Variants in ECT2L observed in about 807,000 individuals in gnomAD.
ECT2L encodes epithelial cell-transforming sequence 2 oncogene-like.
ECT2L carries 126 observed loss-of-function variants against 122.8 expected under a neutral mutation model. That is an observed-to-expected ratio of 1.03 (90% CI 0.89 to 1.19). The LOEUF is 1.19. ECT2L is among the 50% of genes most tolerant of loss of function. The pLI is 0.00. For synonymous variants in ECT2L, 385 were observed against 381.8 expected (o/e 1.01, Z -0.10); for missense variants, 1,012 against 1,064.1 (o/e 0.95, Z 0.68).
intron 11 of ECT2L, 105 bp from the exon 12 acceptor site, chr6:138,864,891 A>T: frequency 9.3e-7 from 1 of 1,071,874 alleles, no homozygotes; most frequent in Non-Finnish European, 1.3e-6. Flanking sequence ...AACGATAATA[A>T]ACTCAATACA....
At chr6:138,822,259 A>C (rs899623449) in intron 4 of ECT2L, among the ~76,000 whole-genome samples, 1 of 152,248 alleles carries the variant, frequency 6.6e-6, no homozygotes, top group Non-Finnish European at 1.5e-5. Flanking sequence ...CAGACATTAC[A>C]TGGGGAAGGA....
rs186096790 is a variant in ECT2L at position 138,884,518 on chromosome 6, A to G, written c.2029-988A>G. ...CCAGGCATGGTGGCGGGCACCTGTA[A>G]TCCTAGCTACTTGGGAGGCTGAGGC... On this transcript the variant is annotated intron_variant, in intron 16 of 21. Transcript: ENST00000541398. Among the ~76,000 whole-genome samples, 38 of 152,032 alleles carry G rather than the reference A, an allele frequency of 2.5e-4. 1 individual carries two copies. In the East Asian group the frequency reaches 7.2e-3, roughly 29 times the overall value.
intron 5 of ECT2L, among the ~76,000 whole-genome samples, chr6:138,842,355 G>A (rs975106819): frequency 6.6e-6 from 1 of 152,206 alleles, no homozygotes; most frequent in African/African-American, 2.4e-5. Flanking sequence ...CAGCTACTCA[G>A]GAGGCTGAGG....
Position 138,838,465 on chromosome 6 carries a change from T to A in ECT2L, c.293T>A (p.Leu98Ter). The change falls in exon 5 of 22, where the codon TTG becomes TAG. Residue 98 changes from leucine to a stop codon, truncating the protein, a stop_gained. Coordinates refer to ENST00000541398, the MANE Select transcript of ECT2L (RefSeq NM_001077706.3). LOFTEE classifies it high-confidence loss of function. ...YIFSFLSPKD[L>*]CAAAQVSWPW... ...TTTTCCTTTTTGAGTCCGAAAGATT[T>A]GTGTGCCGCTGCCCAAGTCAGCTGG... 1 of 1,614,014 alleles carries A rather than the reference T, an allele frequency of 6.2e-7. No homozygotes were observed. Among genetic ancestry groups the A allele is most frequent in the Non-Finnish European group, 8.5e-7 (1 of 1,179,962 alleles).
intron 20 of ECT2L, among the ~76,000 whole-genome samples, chr6:138,895,151 C>T (rs1779166556): frequency 6.6e-6 from 1 of 152,062 alleles, no homozygotes; most frequent in Non-Finnish European, 1.5e-5. Flanking sequence ...TCACACAATA[C>T]TTAGCCTGCA....
At chr6:138,851,013 A>AAAAAAAAAAAAAAAAAAAG (rs1562474231) in intron 9 of ECT2L, among the ~76,000 whole-genome samples, 2 of 148,228 alleles carry the variant, frequency 1.3e-5, no homozygotes, top group African/African-American at 5.2e-5. Context: ...AAAAAAAAAA[A>AAAAAAAAAAAAAAAAAAAG]AAAAAAAAAA....
At chr6:138,876,378 C>A (rs1311336971) in intron 13 of ECT2L, 94 bp from the exon 14 acceptor site, 2 of 773,688 alleles carry the variant, frequency 2.6e-6, no homozygotes, top group Non-Finnish European at 2.2e-6. Flanking sequence ...GGGCTGAAGG[C>A]AGAGGCTTCT....
intron 14 of ECT2L, among the ~76,000 whole-genome samples, chr6:138,878,483 G>A (rs145649169): frequency 2.6e-5 from 4 of 152,136 alleles, no homozygotes; most frequent in Non-Finnish European, 5.9e-5. Context: ...GTCTCGCTCT[G>A]TTGCCCAGGC....
chr6:138,850,864 G>C (rs1178257563), intron 9 of ECT2L, among the ~76,000 whole-genome samples: 1 of 151,778 alleles, frequency 6.6e-6, no homozygotes, highest in East Asian at 1.9e-4. Flanking sequence ...AGCTGGGTGT[G>C]GTAGTACATG....
chr6:138,876,011 C>T (rs1001464105), intron 13 of ECT2L, among the ~76,000 whole-genome samples: 5 of 151,894 alleles, frequency 3.3e-5, no homozygotes, highest in Non-Finnish European at 7.4e-5. Context: ...GCCTGCTACT[C>T]AGGAGGCTGA....
intron 4 of ECT2L, among the ~76,000 whole-genome samples, chr6:138,817,505 A>G (rs898566795): frequency 1.3e-5 from 2 of 152,206 alleles, no homozygotes; most frequent in African/African-American, 4.8e-5. Context: ...TAGAGAGGCC[A>G]TTGTTTTAGA....
At chr6:138,835,700 A>G (rs1489067279) in intron 4 of ECT2L, among the ~76,000 whole-genome samples, 1 of 152,210 alleles carries the variant, frequency 6.6e-6, no homozygotes, top group East Asian at 1.9e-4. Context: ...ACAAGGACAC[A>G]CTGCTGAAAA....
intron 11 of ECT2L, among the ~76,000 whole-genome samples, chr6:138,864,604 C>T (rs1431109731): frequency 6.6e-6 from 1 of 152,168 alleles, no homozygotes; most frequent in Non-Finnish European, 1.5e-5. Context: ...GGTTGACTTC[C>T]AATGGCCTGA....
intron 4 of ECT2L, among the ~76,000 whole-genome samples, chr6:138,825,724 T>C (rs1776424737): frequency 6.6e-6 from 1 of 152,232 alleles, no homozygotes; most frequent in South Asian, 2.1e-4. Flanking sequence ...ATTAGACCAA[T>C]TAGCCAGAAT....
intron 20 of ECT2L, among the ~76,000 whole-genome samples, chr6:138,891,877 A>C (rs904821430): frequency 6.6e-6 from 1 of 152,164 alleles, no homozygotes; most frequent in African/African-American, 2.4e-5. Context: ...TGAAATGACG[A>C]AGACTTTCTC....
intron 5 of ECT2L, among the ~76,000 whole-genome samples, chr6:138,842,733 C>G (rs771154307): frequency 6.6e-6 from 1 of 152,162 alleles, no homozygotes; most frequent in Non-Finnish European, 1.5e-5. Flanking sequence ...GCTCGTGCCA[C>G]TGCACTCCAG....
intron 8 of ECT2L, among the ~76,000 whole-genome samples, chr6:138,848,848 T>A (rs1177234776): frequency 2.0e-5 from 3 of 152,182 alleles, no homozygotes; most frequent in Non-Finnish European, 4.4e-5. Context: ...GAGACAGGGG[T>A]TTCCTCATGT....
At chr6:138,833,400 T>G (rs1045621036) in intron 4 of ECT2L, among the ~76,000 whole-genome samples, 4 of 152,194 alleles carry the variant, frequency 2.6e-5, no homozygotes, top group African/African-American at 9.7e-5. Context: ...AATCATTGTT[T>G]TAGGAAAAAC....
intron 20 of ECT2L, among the ~76,000 whole-genome samples, chr6:138,893,601 T>A (rs972516842): frequency 6.6e-6 from 1 of 152,010 alleles, no homozygotes; most frequent in African/African-American, 2.4e-5. Flanking sequence ...TTTGTATTTT[T>A]AGTAGAGACG....
Sources: gnomAD v4.1 joint callset for allele counts (sites outside exome capture counted in the v4.1 genomes callset) on GRCh38, gnomAD v4.1.1 for gene constraint, MANE v1.5 for transcripts, NCBI Gene and HGNC (gene_info 2026-07-23, HGNC 2026-07-21) for gene names.